BTF3L4: variants seen among roughly 807,000 people sequenced by gnomAD.
BTF3L4 encodes the protein basic transcription factor 3 like 4.
A neutral mutation model predicts 16.8 loss-of-function variants in BTF3L4; 6 were observed. That is an observed-to-expected ratio of 0.36 (90% confidence interval 0.20 to 0.71). The LOEUF (loss-of-function observed/expected upper bound fraction) is 0.71. Among genes scored for constraint, BTF3L4 ranks in the 30% least tolerant of loss-of-function variants. The pLI is 0.58. For missense variants in BTF3L4, 92 were observed against 186.9 expected (o/e 0.49, Z 2.96); for synonymous variants, 39 against 59.8 (o/e 0.65, Z 1.60).
chr1:52,072,020 G>GTTTTTTTTTTTTT (rs139770010), intron 3 of BTF3L4, among the ~76,000 whole-genome samples: 1 of 121,696 alleles, frequency 8.2e-6, no homozygotes, highest in Non-Finnish European at 1.6e-5. Flanking sequence ...TTTAGCCAGG[G>GTTTTTTTTTTTTT]TTTTTTTTTG....
intron 2 of BTF3L4, among the ~76,000 whole-genome samples, chr1:52,060,987 T>A (rs891525155): frequency 1.3e-5 from 2 of 152,180 alleles, no homozygotes; most frequent in African/African-American, 4.8e-5. Context: ...TCGATTTAGC[T>A]GTTGTATATT....
chr1:52,071,228 C>T (rs957370313), intron 3 of BTF3L4: 1 of 152,144 alleles, frequency 6.6e-6, no homozygotes, highest in Non-Finnish European at 1.5e-5. Context: ...CCTAATTGTT[C>T]CAAGTTGCTT....
At chr1:52,077,453 A>C (rs1250194370) in intron 3 of BTF3L4, among the ~76,000 whole-genome samples, 1 of 152,176 alleles carries the variant, frequency 6.6e-6, no homozygotes. Flanking sequence ...GAGGCAGTGG[A>C]ATCACTTGAA....
At chr1:52,085,821 G>C (rs1039426037) in intron 4 of BTF3L4, among the ~76,000 whole-genome samples, 2 of 152,190 alleles carry the variant, frequency 1.3e-5, no homozygotes, top group African/African-American at 2.4e-5. Context: ...CTCCAGCCTG[G>C]TCAACAGAGT....
chr1:52,076,371 C>T (rs533918375), intron 3 of BTF3L4, among the ~76,000 whole-genome samples: 1 of 152,012 alleles, frequency 6.6e-6, no homozygotes, highest in African/African-American at 2.4e-5. Context: ...GTCAGGAGTT[C>T]GAGACTAGCC....
rs1643990804 is a variant in BTF3L4, at chr1:52,088,384, A to G, written c.*1626A>G. ...ACTAAACAAAATAAAATAACAGTGC[A>G]AAAGAGGAGAATATTTCCTCTTGTG... On this transcript the variant is annotated 3_prime_UTR_variant, in exon 6 of 6. Transcript: ENST00000313334. 6.6e-6 allele frequency: 1 copy of G among 152,644 alleles called. No individual in the cohort carries two copies. 9.5% of individuals were successfully genotyped at this position (152,644 alleles called of 1,614,324 possible).
At chr1:52,072,385 A>G (rs1399050839) in intron 3 of BTF3L4, among the ~76,000 whole-genome samples, 3 of 152,096 alleles carry the variant, frequency 2.0e-5, no homozygotes, top group African/African-American at 7.2e-5. Context: ...ATTGGCATAC[A>G]TCACAATGTT....
chr1:52,060,239 T>A (rs1686475612), intron 2 of BTF3L4, among the ~76,000 whole-genome samples: 1 of 152,196 alleles, frequency 6.6e-6, no homozygotes, highest in Non-Finnish European at 1.5e-5. Context: ...AGGGTAATAT[T>A]TATAAAACAC....
At chr1:52,082,160 A>G (rs1431702574) in intron 3 of BTF3L4, among the ~76,000 whole-genome samples, 1 of 152,242 alleles carries the variant, frequency 6.6e-6, no homozygotes, top group Non-Finnish European at 1.5e-5. Context: ...ACTTACACAA[A>G]TTCAACTCTA....
intron 1 of BTF3L4, among the ~76,000 whole-genome samples, chr1:52,059,055 T>C (rs1238240895): frequency 1.3e-5 from 2 of 152,164 alleles, no homozygotes; most frequent in African/African-American, 4.8e-5. Flanking sequence ...AAAAAGCTTG[T>C]TTTAGGAGTC....
At chr1:52,085,077 G>A (rs1335309740) in intron 4 of BTF3L4, among the ~76,000 whole-genome samples, 8 of 127,506 alleles carry the variant, frequency 6.3e-5, no homozygotes, top group Non-Finnish European at 9.4e-5. Flanking sequence ...CTGGAGTGCA[G>A]TGGCATGATC....
chr1:52,069,856 C>G (rs894634370), intron 3 of BTF3L4, among the ~76,000 whole-genome samples: 1 of 152,108 alleles, frequency 6.6e-6, no homozygotes, highest in Non-Finnish European at 1.5e-5. Flanking sequence ...TTAGTACTAT[C>G]CAAGCTATCA....
intron 2 of BTF3L4, among the ~76,000 whole-genome samples, chr1:52,062,548 TG>T (rs1205445564): frequency 6.6e-6 from 1 of 151,970 alleles, no homozygotes; most frequent in Non-Finnish European, 1.5e-5. Context: ...TGGCAGGAAA[TG>T]AAATGACCAG....
intron 4 of BTF3L4, among the ~76,000 whole-genome samples, chr1:52,085,411 C>T (rs2985745): frequency 0.079 from 11,722 of 147,650 alleles, 1,320 homozygotes; most frequent in African/African-American, 0.24. Context: ...CTGACTCTGT[C>T]GCCCAGGATG....
At chr1:52,072,916 C>T (rs1193035779) in intron 3 of BTF3L4, among the ~76,000 whole-genome samples, 1 of 152,122 alleles carries the variant, frequency 6.6e-6, no homozygotes, top group Non-Finnish European at 1.5e-5. Context: ...AAATTAGCCA[C>T]GTGTGGTGGC....
chr1:52,066,079 A>C (rs192800658), intron 3 of BTF3L4, among the ~76,000 whole-genome samples: 1 of 152,322 alleles, frequency 6.6e-6, no homozygotes, highest in East Asian at 1.9e-4. Context: ...TTTTGATGAC[A>C]CTATTTTTCT....
At chr1:52,084,046 A>T (rs1272589283) in intron 4 of BTF3L4, among the ~76,000 whole-genome samples, 1 of 151,890 alleles carries the variant, frequency 6.6e-6, no homozygotes, top group African/African-American at 2.4e-5. Flanking sequence ...GAATATTCGG[A>T]AACATTTTGG....
intron 2 of BTF3L4, among the ~76,000 whole-genome samples, chr1:52,061,363 G>A (rs147901225): frequency 2.0e-3 from 305 of 151,458 alleles, no homozygotes; most frequent in African/African-American, 6.8e-3. Flanking sequence ...TGGCGCATAC[G>A]TGTAGTCCCA....
chr1:52,079,259 TG>T (rs1687005366), intron 3 of BTF3L4, among the ~76,000 whole-genome samples: 1 of 151,818 alleles, frequency 6.6e-6, no homozygotes, highest in Non-Finnish European at 1.5e-5. Context: ...GGCACACACC[TG>T]TAATCCCAGC....
Sources: gnomAD v4.1 joint callset for allele counts (sites outside exome capture counted in the v4.1 genomes callset) on GRCh38, gnomAD v4.1.1 for gene constraint, MANE v1.5 for transcripts, NCBI Gene and HGNC (gene_info 2026-07-23, HGNC 2026-07-21) for gene names.